AOAH: variants seen among roughly 807,000 people sequenced by gnomAD.
The protein encoded by AOAH is acyloxyacyl hydrolase.
Under a neutral mutation model 92.2 loss-of-function variants are expected in AOAH, and 64 were observed. That is an observed-to-expected ratio of 0.69 (90% confidence interval 0.57 to 0.86). AOAH has a LOEUF of 0.86. Among genes scored for constraint, AOAH ranks in the 40% least tolerant of loss-of-function variants. The pLI, the probability that AOAH is intolerant of heterozygous loss-of-function variation, is 0.00. For missense variants in AOAH, 656 were observed against 694.6 expected, an observed-to-expected ratio of 0.94 and a Z score of 0.62; for synonymous variants, 263 against 254.5, an observed-to-expected ratio of 1.03 and a Z score of -0.32.
At chr7:36,514,217 TC>T (rs1198764901) in intron 20 of AOAH, among the ~76,000 whole-genome samples, 7 of 152,028 alleles carry the variant, frequency 4.6e-5, no homozygotes, top group African/African-American at 1.7e-4. Flanking sequence ...TTCTAGGAGT[TC>T]CCTAGATGGA....
intron 16 of AOAH, 103 bp downstream of exon 16, chr7:36,540,216 T>C (rs1583768804): frequency 8.8e-7 from 1 of 1,135,478 alleles, no homozygotes; most frequent in Non-Finnish European, 1.2e-6. Flanking sequence ...CCATGTTCCA[T>C]GATGGCATTT....
intron 15 of AOAH, among the ~76,000 whole-genome samples, chr7:36,544,488 A>G (rs1243949437): frequency 6.6e-6 from 1 of 151,906 alleles, no homozygotes; most frequent in Admixed American, 6.6e-5. Flanking sequence ...GGGTCCCAGC[A>G]CCCCTTCTCA....
chr7:36,649,942 C>T (rs889786685), intron 4 of AOAH, among the ~76,000 whole-genome samples: 13 of 152,234 alleles, frequency 8.5e-5, no homozygotes, highest in Non-Finnish European at 1.8e-4. Context: ...GAGCTGAACA[C>T]TAGTCACTGG....
At chr7:36,681,403 G>C (rs997678774) in intron 2 of AOAH, among the ~76,000 whole-genome samples, 2 of 151,958 alleles carry the variant, frequency 1.3e-5, no homozygotes, top group East Asian at 3.9e-4. Flanking sequence ...ATCATGTTGC[G>C]TGAAAAAAAA....
At chr7:36,578,094 AT>A (rs1788660050) in intron 12 of AOAH, among the ~76,000 whole-genome samples, 2 of 152,196 alleles carry the variant, frequency 1.3e-5, no homozygotes, top group South Asian at 4.1e-4. Flanking sequence ...TAAGTGTGAG[AT>A]TTTTGCTTTG....
At chr7:36,610,218 G>A (rs773094984) in intron 11 of AOAH, among the ~76,000 whole-genome samples, 1 of 139,892 alleles carries the variant, frequency 7.1e-6, no homozygotes, top group Non-Finnish European at 1.5e-5. Flanking sequence ...GGGTGGTTTA[G>A]TAGATTATTG....
chr7:36,517,190 C>CT (rs1416179674), intron 20 of AOAH, among the ~76,000 whole-genome samples: 8 of 65,806 alleles, frequency 1.2e-4, no homozygotes, highest in African/African-American at 4.3e-4. Flanking sequence ...TTCTTTCTTT[C>CT]TTTCTTTCTT....
intron 11 of AOAH, among the ~76,000 whole-genome samples, chr7:36,612,902 TA>T (rs1791569213): frequency 6.6e-6 from 1 of 152,216 alleles, no homozygotes; most frequent in Admixed American, 6.5e-5. Flanking sequence ...GAAACTCTGT[TA>T]ATTAGAGGAT....
In AOAH at chr7:36,703,902, T is replaced by C. The variant is rs138478296; in HGVS notation, c.128-17108A>G. On this transcript the variant is annotated intron_variant, in intron 1 of 20. Coordinates refer to ENST00000617537, the MANE Select transcript of AOAH (RefSeq NM_001637.4). ...ATCGCCACACTGTCTCCCACAATGG[T>C]TGTACTAATTTACACTCCCACCAAC... Among the ~76,000 whole-genome samples the C allele has an allele frequency of 2.2e-3, 334 of 152,296 alleles. 3 individuals are homozygous for C. The highest frequency in any genetic ancestry group is 7.8e-3 in the African/African-American group (324 of 41,568).
intron 3 of AOAH, among the ~76,000 whole-genome samples, chr7:36,662,563 G>A (rs1795285630): frequency 6.6e-6 from 1 of 152,222 alleles, no homozygotes; most frequent in Non-Finnish European, 1.5e-5. Flanking sequence ...GATGACTGCT[G>A]TCTTTATGGG....
chr7:36,582,292 G>T (rs1442697946), intron 12 of AOAH, among the ~76,000 whole-genome samples: 1 of 152,096 alleles, frequency 6.6e-6, no homozygotes, highest in African/African-American at 2.4e-5. Context: ...TGCACAAGAC[G>T]GGTACTTAAA....
rs928029746 is a variant in AOAH, at chr7:36,614,552, A to G, written c.846+1828T>C. ...ATCCTGTCTCCTGCCACCTCTCAAG[A>G]TGGGTTCCTGGCCACTCACTCCCCA... On this transcript the variant is annotated intron_variant, in intron 11 of 20. Transcript: ENST00000617537. The surrounding 1 kb of genome is among the most constrained non-coding windows in gnomAD (Gnocchi z 4.2). 6.6e-6 allele frequency among the ~76,000 whole-genome samples: 1 copy of G among 152,086 alleles called. No homozygotes were observed. Among genetic ancestry groups the G allele is most frequent in the African/African-American group, 2.4e-5 (1 of 41,414 alleles).
At chr7:36,690,587 C>CCT (rs1156766058) in intron 1 of AOAH, among the ~76,000 whole-genome samples, 2 of 152,202 alleles carry the variant, frequency 1.3e-5, no homozygotes, top group African/African-American at 2.4e-5. Context: ...CAGAGTAATT[C>CCT]CTCCCATTAC....
chr7:36,620,094 A>G (rs768659148), intron 9 of AOAH, among the ~76,000 whole-genome samples: 1 of 152,210 alleles, frequency 6.6e-6, no homozygotes, highest in Non-Finnish European at 1.5e-5. Flanking sequence ...TGAATTTCTG[A>G]GACTCCAGGA....
intron 1 of AOAH, among the ~76,000 whole-genome samples, chr7:36,692,317 C>A (rs1231679398): frequency 2.6e-5 from 4 of 152,190 alleles, no homozygotes; most frequent in African/African-American, 9.7e-5. Context: ...AGAAGCTCAT[C>A]TTTGAAAAAT....
intron 6 of AOAH, among the ~76,000 whole-genome samples, chr7:36,627,126 C>T (rs1792718771): frequency 6.6e-6 from 1 of 152,156 alleles, no homozygotes; most frequent in African/African-American, 2.4e-5. Flanking sequence ...GTACAAGATA[C>T]AGTTCCTACA....
chr7:36,576,446 A>G (rs1788504351), intron 13 of AOAH, 128 bp downstream of exon 13: 1 of 594,750 alleles, frequency 1.7e-6, no homozygotes, highest in Non-Finnish European at 2.9e-6. Flanking sequence ...GGGCAATGGC[A>G]TTGGAAGGGA....
At chr7:36,596,462 C>A (rs1291333797) in intron 11 of AOAH, among the ~76,000 whole-genome samples, 2 of 152,132 alleles carry the variant, frequency 1.3e-5, no homozygotes, top group Non-Finnish European at 2.9e-5. Flanking sequence ...AGAGTCGTTG[C>A]AGATGTAACT....
intron 4 of AOAH, among the ~76,000 whole-genome samples, chr7:36,643,874 C>A (rs534319145): frequency 1.3e-5 from 2 of 152,122 alleles, no homozygotes; most frequent in Non-Finnish European, 2.9e-5. Flanking sequence ...TCCTGCCTCC[C>A]CTTTGCCTTC....
Sources: allele counts gnomAD v4.1 joint callset (sites outside exome capture counted in the v4.1 genomes callset), GRCh38; gene constraint gnomAD v4.1.1; non-coding constraint Gnocchi (gnomAD v3.1); transcripts MANE v1.5; gene names NCBI Gene and HGNC (gene_info 2026-07-23, HGNC 2026-07-21).